Variants in EYS observed in about 807,000 individuals in gnomAD.
EYS encodes the protein EGF-like photoreceptor maintenance factor.
Under a neutral mutation model 282.1 loss-of-function variants are expected in EYS, and 250 were observed. The ratio of observed to expected loss-of-function variants is 0.89; its 90% CI spans 0.80 to 0.98. The LOEUF (loss-of-function observed/expected upper bound fraction) is 0.98. Among genes scored for constraint, EYS ranks in the 50% least tolerant of loss-of-function variants. The probability of loss-of-function intolerance (pLI) is 0.00; values close to 1 mark genes in which losing one functional copy is unlikely to be tolerated. For missense variants in EYS, 4,016 were observed against 3,709.0 expected (o/e 1.08, Z -2.15); for synonymous variants, 1,355 against 1,282.9 (o/e 1.06, Z -1.20).
At chr6:64,760,284 C>T (rs759567173) in intron 22 of EYS, among the ~76,000 whole-genome samples, 23 of 152,112 alleles carry the variant, frequency 1.5e-4, no homozygotes, top group Non-Finnish European at 2.2e-4. Context: ...TGAGGATTTT[C>T]AGATATTATC....
chr6:64,614,633 T>C (rs546767651), intron 24 of EYS, among the ~76,000 whole-genome samples: 16 of 152,206 alleles, frequency 1.1e-4, no homozygotes, highest in African/African-American at 3.6e-4. Context: ...AAGTGGAAAA[T>C]GCATTTAATA....
At chr6:64,146,472 A>C (rs1226170069) in intron 31 of EYS, among the ~76,000 whole-genome samples, 1 of 152,170 alleles carries the variant, frequency 6.6e-6, no homozygotes, top group East Asian at 1.9e-4. Flanking sequence ...TGAGGCAAGA[A>C]CTTGAGTATA....
intron 15 of EYS, among the ~76,000 whole-genome samples, chr6:64,924,718 G>A (rs1768457668): frequency 6.6e-6 from 1 of 152,086 alleles, no homozygotes. Flanking sequence ...CTCTAGGGCA[G>A]GGGCAAAATT....
At chr6:65,336,537 A>G (rs1284717027) in intron 10 of EYS, among the ~76,000 whole-genome samples, 2 of 151,530 alleles carry the variant, frequency 1.3e-5, no homozygotes, top group Non-Finnish European at 3.0e-5. Flanking sequence ...TTTTATAGAC[A>G]TTATTTAAAT....
At chr6:64,024,055 G>C (rs538188706) in intron 33 of EYS, among the ~76,000 whole-genome samples, 2 of 152,166 alleles carry the variant, frequency 1.3e-5, no homozygotes, top group African/African-American at 4.8e-5. Context: ...GAGCCTCCCC[G>C]ATGAGTGCCA....
intron 5 of EYS, among the ~76,000 whole-genome samples, chr6:65,476,013 T>C (rs1765391515): frequency 6.6e-6 from 1 of 152,082 alleles, no homozygotes. Flanking sequence ...TTAAGAGCAA[T>C]TATTTAAGTA....
intron 2 of EYS, among the ~76,000 whole-genome samples, chr6:65,592,249 C>T (rs772217669): frequency 5.3e-5 from 8 of 151,824 alleles, no homozygotes; most frequent in Admixed American, 1.3e-4. Flanking sequence ...GAGTAAAAGG[C>T]AACTTAATTT....
chr6:65,336,780 T>C (rs1168280411), intron 10 of EYS, among the ~76,000 whole-genome samples: 1 of 151,602 alleles, frequency 6.6e-6, no homozygotes, highest in East Asian at 1.9e-4. Context: ...AAATTATAAT[T>C]ATATTTTTAA....
At chr6:65,345,783 A>G (rs953080491) in intron 9 of EYS, among the ~76,000 whole-genome samples, 1 of 151,828 alleles carries the variant, frequency 6.6e-6, no homozygotes, top group Non-Finnish European at 1.5e-5. Flanking sequence ...CAAACGTTTT[A>G]ACCCACAAAA....
At chr6:65,312,815 G>A (rs1414108693) in intron 11 of EYS, among the ~76,000 whole-genome samples, 1 of 152,008 alleles carries the variant, frequency 6.6e-6, no homozygotes, top group Non-Finnish European at 1.5e-5. Flanking sequence ...CTTTCCACTG[G>A]GAGATACCTA....
At chr6:64,790,816 G>T (rs1774165555) in intron 22 of EYS, among the ~76,000 whole-genome samples, 2 of 151,446 alleles carry the variant, frequency 1.3e-5, no homozygotes, top group African/African-American at 4.8e-5. Context: ...AGAACAAGGT[G>T]GTACATTATC....
chr6:64,883,076 T>C (rs1181234220), intron 19 of EYS, among the ~76,000 whole-genome samples: 4 of 151,358 alleles, frequency 2.6e-5, no homozygotes, highest in African/African-American at 9.7e-5. Context: ...AATAATATCT[T>C]TACAATAACC....
Position 64,295,666 on chromosome 6 carries a change from T to A in EYS, c.6191+11304A>T, listed in dbSNP as rs573569742. On this transcript the variant is annotated intron_variant, in intron 30 of 42. Transcript: ENST00000503581. ...ATGGCGTGAACCGAGAAGGCGGAGCTTGCAGTGAGCTGAGATCGCGCCGCT... is the reference window on the plus strand; with the variant it reads ...ATGGCGTGAACCGAGAAGGCGGAGCATGCAGTGAGCTGAGATCGCGCCGCT... Among the ~76,000 whole-genome samples, 3 of 146,736 alleles carry A rather than the reference T, an allele frequency of 2.0e-5. No individual in the cohort carries two copies. The South Asian group carries it at 6.9e-4, about 34-fold the overall frequency.
intron 30 of EYS, among the ~76,000 whole-genome samples, chr6:64,303,318 A>C (rs1442424988): frequency 6.6e-6 from 1 of 152,188 alleles, no homozygotes; most frequent in Non-Finnish European, 1.5e-5. Context: ...AATGTTGCTA[A>C]TAATACTCAT....
intron 22 of EYS, among the ~76,000 whole-genome samples, chr6:64,779,271 G>A (rs115303343): frequency 0.014 from 2,144 of 152,152 alleles, 45 homozygotes; most frequent in Admixed American, 0.048. Context: ...ATGAATAAAT[G>A]AACTGAAGTA....
intron 12 of EYS, among the ~76,000 whole-genome samples, chr6:65,084,141 T>TA (rs1774300187): frequency 6.6e-6 from 1 of 152,064 alleles, no homozygotes; most frequent in Non-Finnish European, 1.5e-5. Flanking sequence ...CACTATTTGA[T>TA]ACTGGTCTTT....
At chr6:65,571,168 G>A (rs1322186497) in intron 2 of EYS, among the ~76,000 whole-genome samples, 3 of 151,956 alleles carry the variant, frequency 2.0e-5, no homozygotes, top group Non-Finnish European at 4.4e-5. Flanking sequence ...AAACAAACAT[G>A]TATATCTCAT....
chr6:64,560,230 A>G (rs1329656960), intron 26 of EYS, among the ~76,000 whole-genome samples: 2 of 151,858 alleles, frequency 1.3e-5, no homozygotes, highest in African/African-American at 2.4e-5. Flanking sequence ...ATTTAACTTT[A>G]TGACTAATCC....
At chr6:65,436,536 A>G (rs558277831) in intron 5 of EYS, among the ~76,000 whole-genome samples, 1 of 152,280 alleles carries the variant, frequency 6.6e-6, no homozygotes, top group African/African-American at 2.4e-5. Flanking sequence ...GGAAACACAG[A>G]AATTGCTAAA....
Sources: gnomAD v4.1 joint callset for allele counts (sites outside exome capture counted in the v4.1 genomes callset) on GRCh38, gnomAD v4.1.1 for gene constraint, MANE v1.5 for transcripts, NCBI Gene and HGNC (gene_info 2026-07-23, HGNC 2026-07-21) for gene names.